BBS1: variants seen among roughly 807,000 people sequenced by gnomAD.
The protein encoded by BBS1 is Bardet-Biedl syndrome 1.
A neutral mutation model predicts 73.9 loss-of-function variants in BBS1; 60 were observed. The observed-to-expected ratio is 0.81, with a 90% CI of 0.66 to 1.01. The LOEUF (loss-of-function observed/expected upper bound fraction) is 1.01, where lower values mean the gene tolerates loss of function less well. Ranked by LOEUF, BBS1 falls within the 50% of genes least tolerant of loss-of-function variation. The pLI is 0.00. For synonymous variants in BBS1, 283 were observed against 317.4 expected, an observed-to-expected ratio of 0.89 and a Z score of 1.15; for missense variants, 718 against 770.3, an observed-to-expected ratio of 0.93 and a Z score of 0.80.
At chr11:66,523,227 A>G in intron 9 of BBS1, 1 of 658,620 alleles carries the variant, frequency 1.5e-6, no homozygotes, top group South Asian at 1.5e-5. Context: ...ACCATAGTGA[A>G]GGTGGGAGGA....
intron 11 of BBS1, chr11:66,524,295 G>A (rs919112908): frequency 1.2e-5 from 4 of 330,456 alleles, no homozygotes; most frequent in Non-Finnish European, 1.8e-5. Flanking sequence ...AAAAAAAAAT[G>A]TGTTGAGCAC....
chr11:66,516,229 G>A (rs1395219691), intron 7 of BBS1, among the ~76,000 whole-genome samples: 3 of 149,644 alleles, frequency 2.0e-5, no homozygotes, highest in East Asian at 2.0e-4. Context: ...GGGTTCAAGC[G>A]ATTCTCCTGC....
At chr11:66,517,596 T>A (rs1321827620) in intron 7 of BBS1, among the ~76,000 whole-genome samples, 1 of 151,458 alleles carries the variant, frequency 6.6e-6, no homozygotes, top group African/African-American at 2.4e-5. Context: ...GCCTCCCAAG[T>A]AGCTGAGACT....
chr11:66,529,432 G>T (rs908293540), intron 13 of BBS1: 2 of 914,744 alleles, frequency 2.2e-6, no homozygotes, highest in East Asian at 5.2e-5. Context: ...AATATCGAGC[G>T]TGGACACCAA....
rs771558750 is a variant in BBS1, at chr11:66,527,013, G to A, written c.1339+206G>A. 100 of 1,536,666 alleles carry A rather than the reference G, an allele frequency of 6.5e-5. 2 individuals are homozygous for A. Among genetic ancestry groups the A allele is most frequent in the Admixed American group, 1.2e-4 (6 of 51,012 alleles). On this transcript the variant is annotated intron_variant, in intron 13 of 16. Coordinates refer to ENST00000318312, the MANE Select transcript of BBS1 (RefSeq NM_024649.5). ...TTCCTCAGGCTGGAAGGTGCTGTGG[G>A]TGACAGCAAGAGCCCTTAGAATTCA...
At chr11:66,529,439 C>G (rs918345608) in intron 13 of BBS1, 14 of 843,154 alleles carry the variant, frequency 1.7e-5, no homozygotes, top group Non-Finnish European at 2.3e-5. Flanking sequence ...AGCGTGGACA[C>G]CAAGGACTCC....
At position 66,530,812 on chromosome 11, in the gene BBS1, G is replaced by A. The variant is rs80062398; in HGVS notation, c.1474-82G>A. On this transcript the variant is annotated intron_variant, in intron 14 of 16. Coordinates refer to ENST00000318312, the MANE Select transcript of BBS1 (RefSeq NM_024649.5). Reference sequence around the variant, plus strand: ...AGGAGGAGGGGACATGAGGGCATTGGTGGAAGGCAGGCAGAGCACACTGTA... The same window carrying A: ...AGGAGGAGGGGACATGAGGGCATTGATGGAAGGCAGGCAGAGCACACTGTA... 1,113 of 1,586,374 alleles carry A rather than the reference G, an allele frequency of 7.0e-4. 7 individuals are homozygous for A. The African/African-American group carries it at 0.013, about 18-fold the overall frequency.
intron 13 of BBS1, chr11:66,529,477 G>A (rs746810619): frequency 2.6e-5 from 19 of 744,530 alleles, no homozygotes; most frequent in East Asian, 2.7e-5. Context: ...GCTGTGGCAG[G>A]ACATGGATTG....
Position 66,530,966 on chromosome 11 carries a change from G to GGGCT in BBS1, c.1548_1551dup (p.Leu518AlafsTer41). On this transcript the variant is annotated frameshift_variant, in exon 15 of 17. Coordinates refer to ENST00000318312, the MANE Select transcript of BBS1 (RefSeq NM_024649.5). LOFTEE classifies it high-confidence loss of function. ...CACCTCAACAACCCGTCCTGTCCTG[G>GGGCT]GGCTGCTGGTCTGCTTCCTGTACAA... 6.2e-7 allele frequency: 1 copy of GGGCT among 1,614,190 alleles called. No homozygotes were observed. The highest frequency in any genetic ancestry group is 1.1e-5 in the South Asian group (1 of 91,086).
chr11:66,516,463 A>G (rs1856052423), intron 7 of BBS1, among the ~76,000 whole-genome samples: 1 of 152,098 alleles, frequency 6.6e-6, no homozygotes, highest in African/African-American at 2.4e-5. Flanking sequence ...AACATTTGGG[A>G]TGGGAATAGT....
At chr11:66,529,187 G>A in intron 13 of BBS1, 1 of 1,461,378 alleles carries the variant, frequency 6.8e-7, no homozygotes, top group East Asian at 2.5e-5. Context: ...GAGGGACAGT[G>A]GGGTGGGGGC....
Position 66,515,316 on chromosome 11 carries a change from G to C in BBS1, c.433-224G>C, listed in dbSNP as rs369460160. 6.6e-5 allele frequency among the ~76,000 whole-genome samples: 10 copies of C among 152,308 alleles called. No individual in the cohort carries two copies. In the East Asian group the frequency reaches 1.2e-3, roughly 18 times the overall value. ...AGAAGGAGGACTGGAAACACCAAGA[G>C]AGGAGGGGAATTTGGGGAGGCATGG... On this transcript the variant is annotated intron_variant, in intron 4 of 16. Transcript: ENST00000318312.
In BBS1 at chr11:66,527,219, A is replaced by G. The variant is rs11828255; in HGVS notation, c.1339+412A>G. On this transcript the variant is annotated intron_variant, in intron 13 of 16. Transcript: ENST00000318312. ...GATACTTCTTTCTCAAAAAAAAAAA[A>G]AGAGAGAGAGAGAAAGAGAAAAGTA... is the stretch of plus-strand genomic sequence containing the variant. Among the ~76,000 whole-genome samples the G allele has an allele frequency of 7.7e-3, 1,165 of 151,832 alleles. 17 individuals carry two copies. Among genetic ancestry groups the G allele is most frequent in the African/African-American group, 0.026 (1,091 of 41,398 alleles).
chr11:66,514,649 G>A lies in BBS1; in HGVS notation c.403G>A (p.Glu135Lys). The stretch of plus-strand genomic sequence containing the variant: ...GCCCCAATTGCCTCCAAATCCTCTG[G>A]AACAAGACCTTTGGAACCAGGCCAA... Reference protein sequence around the residue: ...SLPQLPPNPLEQDLWNQAKED... With the variant: ...SLPQLPPNPLKQDLWNQAKED... The change falls in exon 4 of 17, where the codon GAA becomes AAA. Residue 135 changes from glutamate (E) to lysine (K), a missense_variant. Transcript: ENST00000318312. The A allele has an allele frequency of 6.2e-7, 1 of 1,612,906 alleles. No individual in the cohort carries two copies. The highest frequency in any genetic ancestry group is 8.5e-7 in the Non-Finnish European group (1 of 1,180,022).
At chr11:66,510,956 G>GT (rs1014066485) in intron 1 of BBS1, 57 bp from the exon 2 acceptor site, 457 of 1,568,826 alleles carry the variant, frequency 2.9e-4, no homozygotes, top group Middle Eastern at 5.0e-4. Flanking sequence ...CTTCCTCAAA[G>GT]TTTTTTTTTC....
chr11:66,514,121 A>G (rs760672285), intron 3 of BBS1, among the ~76,000 whole-genome samples: 51 of 152,212 alleles, frequency 3.4e-4, no homozygotes, highest in Non-Finnish European at 1.3e-4. Context: ...AATAATAAAA[A>G]CATCAACTGC....
Position 66,532,041 on chromosome 11 carries a change from C to G in BBS1, c.*4C>G, listed in dbSNP as rs1007361452. The G allele has an allele frequency of 1.3e-6, 2 of 1,599,420 alleles. No homozygotes were observed. Among genetic ancestry groups the G allele is most frequent in the Non-Finnish European group, 1.7e-6 (2 of 1,174,006 alleles). Reference sequence around the variant, plus strand: ...CGAGGGGCTGGCGGCCGCCTGAGACCTGAGCTGCTGTGAAAGCCCCTGCAC... The same window carrying G: ...CGAGGGGCTGGCGGCCGCCTGAGACGTGAGCTGCTGTGAAAGCCCCTGCAC... On this transcript the variant is annotated 3_prime_UTR_variant, in exon 17 of 17. Transcript: ENST00000318312.
At chr11:66,524,888 C>T (rs973484678) in intron 11 of BBS1, among the ~76,000 whole-genome samples, 1 of 151,378 alleles carries the variant, frequency 6.6e-6, no homozygotes, top group African/African-American at 2.4e-5. Flanking sequence ...AACCCCATCT[C>T]TACTAAAAAT....
chr11:66,517,893 C>A (rs1201316498), intron 7 of BBS1, among the ~76,000 whole-genome samples: 1 of 151,766 alleles, frequency 6.6e-6, no homozygotes, highest in Non-Finnish European at 1.5e-5. Flanking sequence ...GCATGAGCCA[C>A]CTTATTTAGC....
Sources: gnomAD v4.1 joint callset for allele counts (sites outside exome capture counted in the v4.1 genomes callset) on GRCh38, gnomAD v4.1.1 for gene constraint, MANE v1.5 for transcripts, NCBI Gene and HGNC (gene_info 2026-07-23, HGNC 2026-07-21) for gene names.